Variants in TMEM150C observed in about 807,000 individuals in gnomAD.
TMEM150C encodes the protein transmembrane protein 150C.
In TMEM150C, 10 loss-of-function variants were observed where a neutral mutation model predicts 29.9. That is an observed-to-expected ratio of 0.33 (90% CI 0.21 to 0.57). The LOEUF (loss-of-function observed/expected upper bound fraction) is 0.57, where lower values mean the gene tolerates loss of function less well. Among genes scored for constraint, TMEM150C ranks in the 20% least tolerant of loss-of-function variants. The pLI is 0.88. For synonymous variants in TMEM150C, 101 were observed against 112.5 expected (o/e 0.90, Z 0.64); for missense variants, 251 against 303.6 (o/e 0.83, Z 1.29).
At position 82,523,417 on chromosome 4, in the gene TMEM150C, A is replaced by G. The variant is rs908072350; in HGVS notation, c.-10-18750T>C. The stretch of plus-strand genomic sequence containing the variant: ...GGCCCTCTCATCCCAGCCTTTTAAT[A>G]TGCAAATGCATTGCCATGATGTTCT... On this transcript the variant is annotated intron_variant, in intron 1 of 7. Coordinates refer to ENST00000449862, the MANE Select transcript of TMEM150C (RefSeq NM_001080506.3). 1.5e-4 allele frequency among the ~76,000 whole-genome samples: 23 copies of G among 152,124 alleles called. 1 individual carries two copies. The highest frequency in any genetic ancestry group is 1.4e-3 in the Admixed American group (21 of 15,278).
chr4:82,489,710 A>G (rs1412339928), intron 7 of TMEM150C, among the ~76,000 whole-genome samples: 1 of 152,146 alleles, frequency 6.6e-6, no homozygotes, highest in African/African-American at 2.4e-5. Flanking sequence ...TAAAGTCACA[A>G]ATGCATTTTT....
At chr4:82,513,124 C>T (rs112892992) in intron 1 of TMEM150C, among the ~76,000 whole-genome samples, 3 of 152,338 alleles carry the variant, frequency 2.0e-5, no homozygotes, top group Admixed American at 6.5e-5. Flanking sequence ...GGGTCCTTGA[C>T]CCCCGTGCCT....
chr4:82,562,228 C>G, upstream of TMEM150C: 1 of 1,284,246 alleles, frequency 7.8e-7, no homozygotes, highest in Non-Finnish European at 1.0e-6. Context: ...GACGCGTTTG[C>G]CTGGCGCTCC....
chr4:82,499,534 C>A (rs1723660978), intron 5 of TMEM150C, among the ~76,000 whole-genome samples: 1 of 151,880 alleles, frequency 6.6e-6, no homozygotes, highest in Non-Finnish European at 1.5e-5. Flanking sequence ...CCAGCCTGAC[C>A]AACATGGAGA....
At chr4:82,558,304 T>C (rs1384663583) in intron 1 of TMEM150C, among the ~76,000 whole-genome samples, 1 of 152,228 alleles carries the variant, frequency 6.6e-6, no homozygotes, top group Non-Finnish European at 1.5e-5. Flanking sequence ...AATAGCCACA[T>C]GTGGCTCATG....
At chr4:82,551,152 A>G (rs1725564714) in intron 1 of TMEM150C, among the ~76,000 whole-genome samples, 1 of 152,208 alleles carries the variant, frequency 6.6e-6, no homozygotes. Flanking sequence ...GAATTGAATG[A>G]AGAGTTGGGA....
intron 1 of TMEM150C, among the ~76,000 whole-genome samples, chr4:82,505,419 G>A (rs550809331): frequency 1.3e-5 from 2 of 152,268 alleles, no homozygotes; most frequent in African/African-American, 4.8e-5. Flanking sequence ...AAGAGTTTGG[G>A]TTAGGTTAGG....
intron 1 of TMEM150C, among the ~76,000 whole-genome samples, chr4:82,546,978 C>G (rs1354499427): frequency 6.6e-6 from 1 of 152,042 alleles, no homozygotes; most frequent in Non-Finnish European, 1.5e-5. Context: ...TTCAGGACAT[C>G]AACCTTGGGA....
At chr4:82,543,667 T>G (rs1725264505) in intron 1 of TMEM150C, among the ~76,000 whole-genome samples, 1 of 152,212 alleles carries the variant, frequency 6.6e-6, no homozygotes, top group South Asian at 2.1e-4. Context: ...CCTATGCCCA[T>G]ATACAACATA....
At chr4:82,521,658 C>A (rs1468085962) in intron 1 of TMEM150C, among the ~76,000 whole-genome samples, 4 of 152,122 alleles carry the variant, frequency 2.6e-5, no homozygotes, top group Non-Finnish European at 1.5e-5. Context: ...AGGCTATCAG[C>A]AAGAGTATCT....
At chr4:82,508,320 C>T (rs11099538) in intron 1 of TMEM150C, among the ~76,000 whole-genome samples, 45,786 of 151,716 alleles carry the variant, frequency 0.3, 7,246 homozygotes, top group Admixed American at 0.43. Context: ...TGCATTTTTT[C>T]TTTAAAGAGA....
chr4:82,518,241 G>A lies in TMEM150C; in HGVS notation c.-10-13574C>T, dbSNP rs192982696. Reference sequence around the variant, plus strand: ...TGAGGCAGGAGAATTGCTTGAACCCGGGAGGTGGAGCTTGAAGTGAGCCGA... The same window carrying A: ...TGAGGCAGGAGAATTGCTTGAACCCAGGAGGTGGAGCTTGAAGTGAGCCGA... On this transcript the variant is annotated intron_variant, in intron 1 of 7. Transcript: ENST00000449862. Among the ~76,000 whole-genome samples the A allele has an allele frequency of 1.7e-3, 261 of 152,152 alleles. 1 individual carries two copies. The highest frequency in any genetic ancestry group is 5.4e-3 in the African/African-American group (225 of 41,510).
intron 1 of TMEM150C, among the ~76,000 whole-genome samples, chr4:82,536,013 C>A (rs116100879): frequency 1.3e-5 from 2 of 151,598 alleles, no homozygotes; most frequent in African/African-American, 2.4e-5. Flanking sequence ...TGGGGAGGGG[C>A]AAAAATCACC....
chr4:82,547,297 AG>A (rs1725416877), intron 1 of TMEM150C, among the ~76,000 whole-genome samples: 1 of 151,562 alleles, frequency 6.6e-6, no homozygotes, highest in Non-Finnish European at 1.5e-5. Context: ...AAAAAAAAAA[AG>A]GTTTAATCAG....
chr4:82,491,860 C>T lies in TMEM150C; in HGVS notation c.364-1622G>A, dbSNP rs377081355. On this transcript the variant is annotated intron_variant, in intron 6 of 7. Transcript: ENST00000449862. ...TAGGCAAGTCAATATTTAATTGGCA[C>T]AGACAACTAAAACCCTTTAAGCTCT... Among the ~76,000 whole-genome samples, 11 of 151,596 alleles carry T rather than the reference C, an allele frequency of 7.3e-5. 1 individual carries two copies. The highest frequency in any genetic ancestry group is 2.6e-4 in the Admixed American group (4 of 15,234).
At chr4:82,507,892 G>A (rs1723991312) in intron 1 of TMEM150C, among the ~76,000 whole-genome samples, 1 of 151,326 alleles carries the variant, frequency 6.6e-6, no homozygotes. Flanking sequence ...GACTACAGCT[G>A]CACACCACCA....
chr4:82,512,989 G>T (rs752881520), intron 1 of TMEM150C, among the ~76,000 whole-genome samples: 7 of 152,222 alleles, frequency 4.6e-5, no homozygotes, highest in Non-Finnish European at 8.8e-5. Flanking sequence ...GCAACTTGGG[G>T]AAGGGGCAGC....
intron 1 of TMEM150C, among the ~76,000 whole-genome samples, chr4:82,555,906 T>C (rs1160440690): frequency 1.3e-5 from 2 of 152,222 alleles, no homozygotes; most frequent in Non-Finnish European, 2.9e-5. Flanking sequence ...CAGTGTTTCC[T>C]CAAGTGGATC....
chr4:82,504,517 G>A, intron 2 of TMEM150C, 61 bp downstream of exon 2: 1 of 1,450,820 alleles, frequency 6.9e-7, no homozygotes, highest in Non-Finnish European at 9.6e-7. Flanking sequence ...TACTATTAAG[G>A]TTTACATTTG....
Sources: gnomAD v4.1 joint callset for allele counts (sites outside exome capture counted in the v4.1 genomes callset) on GRCh38, gnomAD v4.1.1 for gene constraint, MANE v1.5 for transcripts, NCBI Gene and HGNC (gene_info 2026-07-23, HGNC 2026-07-21) for gene names.